The following TRAK2 variants were observed in gnomAD, a reference collection of about 807,000 sequenced individuals.
TRAK2 encodes the protein trafficking kinesin-binding protein 2.
A neutral mutation model predicts 104.6 loss-of-function variants in TRAK2; 81 were observed. The ratio of observed to expected loss-of-function variants is 0.77; its 90% CI spans 0.65 to 0.93. The LOEUF (loss-of-function observed/expected upper bound fraction) is 0.93, where lower values mean the gene tolerates loss of function less well. TRAK2 is among the 40% of genes least tolerant of loss of function. The pLI, the probability that TRAK2 is intolerant of heterozygous loss-of-function variation, is 0.00. For synonymous variants in TRAK2, 406 were observed against 394.4 expected (o/e 1.03, Z -0.35); for missense variants, 1,002 against 1,089.0 (o/e 0.92, Z 1.12).
Position 201,394,780 on chromosome 2 carries a change from A to T in TRAK2, c.975+18T>A, listed in dbSNP as rs1264333187. ...ACTCTTTCCCCTCCTGAATTACACA[A>T]GATAAAGATTTCATTACCTCCATTG... On this transcript the variant is annotated intron_variant, in intron 9 of 15. Coordinates refer to ENST00000332624, the MANE Select transcript of TRAK2 (RefSeq NM_015049.3). 1 of 1,607,852 alleles carries T rather than the reference A, an allele frequency of 6.2e-7. No homozygotes were observed.
chr2:201,432,221 T>C (rs1951847918), intron 1 of TRAK2, among the ~76,000 whole-genome samples: 1 of 152,192 alleles, frequency 6.6e-6, no homozygotes, highest in African/African-American at 2.4e-5. Context: ...GATTAATCAT[T>C]CTCTTCCTGT....
chr2:201,380,679 G>T lies in TRAK2; in HGVS notation c.2609C>A (p.Ser870Tyr). 3.1e-6 allele frequency: 5 copies of T among 1,614,066 alleles called. No homozygotes were observed. Among genetic ancestry groups the T allele is most frequent in the Non-Finnish European group, 4.2e-6 (5 of 1,179,974 alleles). ...EAEIGPQKPD[S>Y]AVYLNSGSSL... is the part of the protein sequence containing the mutation. ...GCTACCTGAATTTAAATAAACAGCA[G>T]AATCTGGTTTTTGAGGACCAATTTC... is the stretch of plus-strand genomic sequence containing the variant. The change falls in exon 16 of 16, where the codon TCT (serine) becomes TAT (tyrosine). Residue 870 changes from serine to tyrosine, a missense_variant. Physicochemically the swap from Ser to Tyr is moderately radical, Grantham distance 144. Transcript: ENST00000332624.
chr2:201,446,561 T>G lies in TRAK2; in HGVS notation c.-200+4789A>C, dbSNP rs551807871. ...TATTACTCTGCCCTCTTTTCACAAA[T>G]AAAGAGCTAGATAAATATCATATAG... On this transcript the variant is annotated intron_variant, in intron 1 of 15. Transcript: ENST00000332624. Among the ~76,000 whole-genome samples the G allele has an allele frequency of 1.5e-4, 23 of 152,334 alleles. 1 individual carries two copies. In the South Asian group the frequency reaches 3.5e-3, roughly 23 times the overall value.
At chr2:201,409,279 C>T (rs549028686) in intron 2 of TRAK2, among the ~76,000 whole-genome samples, 14 of 143,472 alleles carry the variant, frequency 9.8e-5, no homozygotes, top group African/African-American at 3.1e-4. Context: ...TCAATGTCAG[C>T]TTTTTTTTTT....
chr2:201,388,527 A>G (rs1181038086), intron 12 of TRAK2, among the ~76,000 whole-genome samples: 6 of 152,238 alleles, frequency 3.9e-5, no homozygotes, highest in Non-Finnish European at 8.8e-5. Context: ...ATTTAAAAGG[A>G]AACAACAAAA....
intron 2 of TRAK2, chr2:201,412,326 A>G: frequency 1.5e-6 from 2 of 1,315,280 alleles, no homozygotes; most frequent in Non-Finnish European, 1.1e-6. Flanking sequence ...CTGCACCAAC[A>G]TCATCAAAGA....
At chr2:201,445,710 G>A (rs1401086716) in intron 1 of TRAK2, among the ~76,000 whole-genome samples, 1 of 152,194 alleles carries the variant, frequency 6.6e-6, no homozygotes, top group African/African-American at 2.4e-5. Context: ...GACAGAGCCA[G>A]GTTGGCAGCA....
intron 2 of TRAK2, chr2:201,410,921 G>T: frequency 1.3e-6 from 2 of 1,579,188 alleles, no homozygotes; most frequent in Non-Finnish European, 1.7e-6. Context: ...GAGTCATTTT[G>T]GTCACTCCAA....
At chr2:201,413,439 A>T in intron 2 of TRAK2, 45 of 354,784 alleles carry the variant, frequency 1.3e-4, no homozygotes, top group East Asian at 3.7e-4. Flanking sequence ...CAGCTGGAGG[A>T]GGGAAAGGGA....
Position 201,389,447 on chromosome 2 carries a change from C to T in TRAK2, c.1250G>A (p.Arg417His), listed in dbSNP as rs374064712. The T allele has an allele frequency of 3.2e-5, 51 of 1,613,994 alleles. No individual in the cohort carries two copies. The East Asian group carries it at 5.3e-4, about 17-fold the overall frequency. Residue 417 changes from arginine (R) to histidine (H), a missense_variant, in exon 12 of 16, where the codon CGC becomes CAC. Arg to His is a conservative substitution (Grantham distance 29, BLOSUM62 0). Transcript: ENST00000332624. ...TAACAGAGCTGGGAATGAGATAGAGCGGCCCCGTGTGTCATTGGCAATCCT... is the reference window on the plus strand; with the variant it reads ...TAACAGAGCTGGGAATGAGATAGAGTGGCCCCGTGTGTCATTGGCAATCCT... ...TVRIANDTRG[R>H]SISFPALLPI...
intron 2 of TRAK2, chr2:201,410,492 T>A (rs1951635971): frequency 6.2e-6 from 5 of 802,610 alleles, no homozygotes; most frequent in Non-Finnish European, 1.0e-5. Context: ...CATAAAGATG[T>A]AAATCAGCTC....
At chr2:201,407,724 T>C in intron 2 of TRAK2, 127 bp from the exon 3 acceptor site, 1 of 771,202 alleles carries the variant, frequency 1.3e-6, no homozygotes, top group Admixed American at 3.5e-5. Context: ...AGATCATTTC[T>C]CCACTGATTT....
At chr2:201,395,514 G>A (rs1335545370) in intron 7 of TRAK2, 70 bp from the exon 8 acceptor site, 2 of 1,412,940 alleles carry the variant, frequency 1.4e-6, no homozygotes, top group Non-Finnish European at 9.4e-7. Flanking sequence ...TATGACTTGT[G>A]AGCTAAATCT....
chr2:201,421,441 G>A (rs576971406), intron 1 of TRAK2, among the ~76,000 whole-genome samples: 7 of 152,154 alleles, frequency 4.6e-5, no homozygotes, highest in Non-Finnish European at 7.4e-5. Context: ...AACATTTTGG[G>A]CCAGTTATTG....
intron 2 of TRAK2, among the ~76,000 whole-genome samples, chr2:201,408,050 A>G (rs185213439): frequency 8.5e-5 from 13 of 152,298 alleles, no homozygotes; most frequent in Non-Finnish European, 1.8e-4. Context: ...ATTGCCAACT[A>G]TAGCCACCCT....
chr2:201,398,104 G>T, intron 6 of TRAK2, 41 bp downstream of exon 6: 1 of 1,577,416 alleles, frequency 6.3e-7, no homozygotes. Context: ...GAACTTTATA[G>T]CCTTTAAAGT....
At chr2:201,411,359 A>T (rs764261142) in intron 2 of TRAK2, 2 of 742,840 alleles carry the variant, frequency 2.7e-6, no homozygotes, top group African/African-American at 1.8e-5. Flanking sequence ...AATCACTGCC[A>T]GTCAGAAGGT....
At chr2:201,401,499 A>G (rs1951550529) in intron 3 of TRAK2, among the ~76,000 whole-genome samples, 1 of 152,064 alleles carries the variant, frequency 6.6e-6, no homozygotes, top group African/African-American at 2.4e-5. Flanking sequence ...TTATGCTGTT[A>G]TAAAGGAATT....
At chr2:201,432,257 A>C (rs950643891) in intron 1 of TRAK2, among the ~76,000 whole-genome samples, 5 of 152,216 alleles carry the variant, frequency 3.3e-5, no homozygotes, top group Admixed American at 6.5e-5. Context: ...ATAAACCAAA[A>C]GCTTACACAG....
Sources: gnomAD v4.1 joint callset for allele counts (sites outside exome capture counted in the v4.1 genomes callset) on GRCh38, gnomAD v4.1.1 for gene constraint, MANE v1.5 for transcripts, NCBI Gene and HGNC (gene_info 2026-07-23, HGNC 2026-07-21) for gene names.